The following HUWE1 variants were observed in gnomAD, a reference collection of about 807,000 sequenced individuals.
HUWE1 encodes the protein E3 ubiquitin-protein ligase HUWE1.
HUWE1 carries 18 observed loss-of-function variants against 299.4 expected under a neutral mutation model. That is an observed-to-expected ratio of 0.06 (90% CI 0.04 to 0.09). The LOEUF (loss-of-function observed/expected upper bound fraction) is 0.09, where lower values mean the gene tolerates loss of function less well. HUWE1 is among the 10% of genes least tolerant of loss of function. The pLI is 1.00. For synonymous variants in HUWE1, 1,317 were observed against 1,286.1 expected, an observed-to-expected ratio of 1.02 and a Z score of -0.51; for missense variants, 1,832 against 3,462.3, an observed-to-expected ratio of 0.53 and a Z score of 11.82.
chrX:53,673,076 C>G (rs1404045187), intron 3 of HUWE1, among the ~76,000 whole-genome samples: 1 of 112,145 alleles, frequency 8.9e-6, no homozygotes, highest in Non-Finnish European at 1.9e-5. Context: ...AGCATTCTTA[C>G]TAAAATCAGA....
At chrX:53,534,263 G>A in intron 82 of HUWE1, 66 bp from the exon 83 acceptor site, 1 of 964,736 alleles carries the variant, frequency 1.0e-6, no homozygotes, top group South Asian at 2.0e-5. Flanking sequence ...TGGGGGGGAT[G>A]GAATCTAGGA....
chrX:53,678,040 G>C (rs1244929827), intron 3 of HUWE1, among the ~76,000 whole-genome samples: 1 of 111,776 alleles, frequency 8.9e-6, no homozygotes, highest in African/African-American at 3.3e-5. Context: ...CAGCAATCCA[G>C]ACTGAATCAG....
chrX:53,679,323 CATTTT>C (rs1469885159), intron 3 of HUWE1, among the ~76,000 whole-genome samples: 1 of 111,746 alleles, frequency 8.9e-6, no homozygotes, highest in African/African-American at 3.3e-5. Context: ...GAAATCTGAA[CATTTT>C]ATATTTGATA....
At position 53,571,309 on chromosome X, in the gene HUWE1, T is replaced by TA. The variant is rs782695767; in HGVS notation, c.6313-1483dup. Among the ~76,000 whole-genome samples the TA allele has an allele frequency of 1.1e-3, 125 of 112,853 alleles. No homozygotes were observed. In the South Asian group the frequency reaches 0.044, roughly 39 times the overall value. On this transcript the variant is annotated intron_variant, in intron 47 of 83. Coordinates refer to ENST00000262854, the MANE Select transcript of HUWE1 (RefSeq NM_031407.7). Reference sequence around the variant, plus strand: ...ATGAATACAACTGGCATAAATGAGTTAAAGCTTTGGAATAAAGCCTGGCTA... The same window carrying TA: ...ATGAATACAACTGGCATAAATGAGTTAAAAGCTTTGGAATAAAGCCTGGCTA...
At chrX:53,591,683 T>C (rs1353216652) in intron 33 of HUWE1, among the ~76,000 whole-genome samples, 1 of 112,478 alleles carries the variant, frequency 8.9e-6, no homozygotes, top group African/African-American at 3.2e-5. Flanking sequence ...TTATTTGATG[T>C]TAACGACGTA....
chrX:53,543,773 C>T, intron 73 of HUWE1, 68 bp downstream of exon 73: 1 of 1,205,172 alleles, frequency 8.3e-7, no homozygotes, highest in Non-Finnish European at 1.1e-6. Flanking sequence ...AATGAAACCC[C>T]ACTGATGACA....
At chrX:53,669,562 A>G (rs1419566873) in intron 3 of HUWE1, among the ~76,000 whole-genome samples, 1 of 112,545 alleles carries the variant, frequency 8.9e-6, no homozygotes, top group Non-Finnish European at 1.9e-5. Context: ...TCAGTCTAAG[A>G]CAAATGTTAA....
chrX:53,671,168 T>C (rs1213738538), intron 3 of HUWE1, among the ~76,000 whole-genome samples: 1 of 111,377 alleles, frequency 9.0e-6, no homozygotes. Flanking sequence ...AGACTATAAA[T>C]TGGGTTCAGT....
intron 10 of HUWE1, 28 bp downstream of exon 10, chrX:53,631,539 C>G (rs782093171): frequency 2.5e-6 from 3 of 1,186,819 alleles, no homozygotes; most frequent in East Asian, 5.9e-5. Context: ...CATTAAGAAA[C>G]GAGCCAAGAG....
intron 42 of HUWE1, 27 bp downstream of exon 42, chrX:53,583,531 C>T (rs369868063): frequency 2.6e-5 from 27 of 1,057,034 alleles, no homozygotes; most frequent in African/African-American, 3.7e-5. Context: ...TAAAGCTAAA[C>T]CAGAATCTGA....
At chrX:53,582,693 G>A (rs2063680426) in intron 42 of HUWE1, among the ~76,000 whole-genome samples, 1 of 112,011 alleles carries the variant, frequency 8.9e-6, no homozygotes, top group Non-Finnish European at 1.9e-5. Context: ...AAAGGATTTT[G>A]TATTAAGTAC....
chrX:53,617,055 A>G lies in HUWE1; in HGVS notation c.1872T>C (p.Cys624=). Residue 624 remains cysteine (C), a synonymous_variant, in exon 21 of 84, where the codon TGT becomes TGC. Coordinates refer to ENST00000262854, the MANE Select transcript of HUWE1 (RefSeq NM_031407.7). ...CTTTGAAGAGGCGTTCAAAAGGCTGACACTGAACAAAAGACTGAAGACCTC... is the reference window on the plus strand; with the variant it reads ...CTTTGAAGAGGCGTTCAAAAGGCTGGCACTGAACAAAAGACTGAAGACCTC... ...NARGLQSFVQ[C]QPFERLFKVL... is the part of the protein sequence containing the mutation. 1 of 1,210,317 alleles carries G rather than the reference A, an allele frequency of 8.3e-7. No homozygotes were observed. The highest frequency in any genetic ancestry group is 1.1e-6 in the Non-Finnish European group (1 of 894,024).
At chrX:53,553,649 A>T (rs2061868038) in intron 61 of HUWE1, among the ~76,000 whole-genome samples, 1 of 107,237 alleles carries the variant, frequency 9.3e-6, no homozygotes, top group South Asian at 4.2e-4. Context: ...ATCTTTACTA[A>T]AAATACAAAA....
chrX:53,545,508 C>T (rs1336382678), intron 70 of HUWE1, among the ~76,000 whole-genome samples: 1 of 111,482 alleles, frequency 9.0e-6, no homozygotes, highest in East Asian at 2.8e-4. Flanking sequence ...AATTTCTTGA[C>T]CCCTTACCCA....
chrX:53,607,403 AAC>A (rs2065208639), intron 25 of HUWE1, 118 bp downstream of exon 25: 1 of 599,035 alleles, frequency 1.7e-6, no homozygotes. Flanking sequence ...TATACAACAT[AAC>A]ACAAATTTAT....
chrX:53,583,513 G>T (rs782568414), intron 42 of HUWE1, 45 bp downstream of exon 42: 2 of 901,842 alleles, frequency 2.2e-6, no homozygotes, highest in South Asian at 4.0e-5. Context: ...GAGAACATAG[G>T]TATGATGTAA....
Position 53,617,391 on chromosome X carries a change from G to A in HUWE1, c.1728C>T (p.Leu576=), listed in dbSNP as rs1218193317. 8.3e-7 allele frequency: 1 copy of A among 1,198,510 alleles called. No homozygotes were observed. The highest frequency in any genetic ancestry group is 1.8e-5 in the African/African-American group (1 of 56,663). Residue 576 remains leucine, a synonymous_variant, in exon 20 of 84, where the codon CTC becomes CTT. Coordinates refer to ENST00000262854, the MANE Select transcript of HUWE1 (RefSeq NM_031407.7). ...TGACATCTGTCAATCCATTGTCCTGGAGTGAGGAGAGCAGTGATGGTTCTT... is the reference window on the plus strand; with the variant it reads ...TGACATCTGTCAATCCATTGTCCTGAAGTGAGGAGAGCAGTGATGGTTCTT... The part of the protein sequence containing the change: ...VFQEPSLLSS[L]QDNGLTDVML...
intron 30 of HUWE1, among the ~76,000 whole-genome samples, 194 bp from the exon 31 acceptor site, chrX:53,594,815 T>A (rs1556983325): frequency 8.9e-6 from 1 of 111,854 alleles, no homozygotes; most frequent in African/African-American, 3.3e-5. Context: ...ATTGCTGACG[T>A]GACGCTCAAA....
intron 49 of HUWE1, among the ~76,000 whole-genome samples, chrX:53,568,404 A>T (rs782704663): frequency 9.0e-6 from 1 of 111,635 alleles, no homozygotes; most frequent in Non-Finnish European, 1.9e-5. Context: ...TCTACTTCTT[A>T]TTTTTACTCA....
Sources: allele counts gnomAD v4.1 joint callset (sites outside exome capture counted in the v4.1 genomes callset), GRCh38; gene constraint gnomAD v4.1.1; transcripts MANE v1.5; gene names NCBI Gene and HGNC (gene_info 2026-07-23, HGNC 2026-07-21).